Variants in SLC10A7 observed in about 807,000 individuals in gnomAD.
The protein encoded by SLC10A7 is solute carrier family 10 member 7.
A neutral mutation model predicts 43.2 loss-of-function variants in SLC10A7; 29 were observed. That is an observed-to-expected ratio of 0.67 (90% CI 0.50 to 0.92). The LOEUF is 0.92. SLC10A7 is among the 40% of genes least tolerant of loss of function. The pLI is 0.00. For missense variants in SLC10A7, 295 were observed against 403.2 expected (o/e 0.73, Z 2.30); for synonymous variants, 152 against 144.8 (o/e 1.05, Z -0.35).
At chr4:146,333,627 C>A (rs759168135) in intron 5 of SLC10A7, among the ~76,000 whole-genome samples, 2 of 151,978 alleles carry the variant, frequency 1.3e-5, no homozygotes, top group African/African-American at 2.4e-5. Context: ...AAACTGAAAG[C>A]GAAGAGCAGA....
chr4:146,258,698 C>T lies in SLC10A7; in HGVS notation c.987G>A (p.Arg329=). The change falls in exon 11 of 12, where the codon AGG becomes AGA. Residue 329 remains arginine, a synonymous_variant. Coordinates refer to ENST00000335472, the MANE Select transcript of SLC10A7 (RefSeq NM_001029998.6). ...VPTIKSWMVS[R]QKGVKLTRPT... is the part of the protein sequence containing the mutation. Reference sequence around the variant, plus strand: ...GATCTTTCTGGGGACTCACCTTCTGCCTTGATACCATCCAAGACTTGATTG... The same window carrying T: ...GATCTTTCTGGGGACTCACCTTCTGTCTTGATACCATCCAAGACTTGATTG... 2 of 1,589,240 alleles carry T rather than the reference C, an allele frequency of 1.3e-6. No homozygotes were observed. Among genetic ancestry groups the T allele is most frequent in the Non-Finnish European group, 1.7e-6 (2 of 1,174,296 alleles).
intron 5 of SLC10A7, among the ~76,000 whole-genome samples, chr4:146,417,885 A>G (rs566324749): frequency 6.6e-6 from 1 of 152,234 alleles, no homozygotes; most frequent in South Asian, 2.1e-4. Context: ...CTTAAGGACA[A>G]ACATTTGTCA....
At chr4:146,469,991 T>C (rs554522004) in intron 4 of SLC10A7, among the ~76,000 whole-genome samples, 1 of 152,206 alleles carries the variant, frequency 6.6e-6, no homozygotes, top group South Asian at 2.1e-4. Context: ...TCCTTTAAAA[T>C]AGAATTTATT....
intron 5 of SLC10A7, among the ~76,000 whole-genome samples, chr4:146,375,527 G>C (rs2149784831): frequency 6.6e-6 from 1 of 152,254 alleles, no homozygotes; most frequent in East Asian, 1.9e-4. Context: ...AGAACATCTA[G>C]CTCCCTTTAA....
intron 4 of SLC10A7, among the ~76,000 whole-genome samples, chr4:146,492,595 C>T (rs1377716881): frequency 1.3e-5 from 2 of 152,144 alleles, no homozygotes; most frequent in African/African-American, 4.8e-5. Context: ...AGGTCTGAAA[C>T]TCCTAAGCTC....
chr4:146,442,739 C>G, intron 5 of SLC10A7, 44 bp downstream of exon 5: 1 of 1,594,010 alleles, frequency 6.3e-7, no homozygotes, highest in Non-Finnish European at 8.5e-7. Flanking sequence ...TACACAATAT[C>G]ACAGCAAAAG....
At chr4:146,390,486 C>T (rs1279245818) in intron 5 of SLC10A7, among the ~76,000 whole-genome samples, 3 of 151,888 alleles carry the variant, frequency 2.0e-5, no homozygotes, top group Non-Finnish European at 2.9e-5. Flanking sequence ...AAAAATTAGC[C>T]GGGTGTGGAG....
intron 4 of SLC10A7, among the ~76,000 whole-genome samples, chr4:146,488,032 A>T (rs751571036): frequency 3.0e-4 from 45 of 152,050 alleles, no homozygotes; most frequent in African/African-American, 7.2e-4. Context: ...ACGAAAAAAA[A>T]TTTTTTTAAT....
intron 4 of SLC10A7, among the ~76,000 whole-genome samples, chr4:146,498,348 C>T (rs1736099844): frequency 6.6e-6 from 1 of 152,076 alleles, no homozygotes; most frequent in Non-Finnish European, 1.5e-5. Flanking sequence ...GAACTCCTGA[C>T]CTCAGGTGAT....
intron 6 of SLC10A7, among the ~76,000 whole-genome samples, chr4:146,318,675 T>C (rs916478193): frequency 6.6e-6 from 1 of 152,056 alleles, no homozygotes; most frequent in Non-Finnish European, 1.5e-5. Context: ...ACTCATATAG[T>C]CCATTGCTTA....
rs1480736867 is a variant in SLC10A7, at chr4:146,296,443, T to C, written c.556-2348A>G. On this transcript the variant is annotated intron_variant, in intron 7 of 11. Transcript: ENST00000335472. ...AAGTACTTAGAGTCTCATAGTAGAA[T>C]AGGACTCCCTCAGTATGGCAAGAAA... is the stretch of plus-strand genomic sequence containing the variant. Among the ~76,000 whole-genome samples, 4 of 152,272 alleles carry C rather than the reference T, an allele frequency of 2.6e-5. 1 individual carries two copies. The highest frequency in any genetic ancestry group is 4.1e-4 in the South Asian group (2 of 4,824).
chr4:146,381,065 C>A (rs1051214875), intron 5 of SLC10A7, among the ~76,000 whole-genome samples: 14 of 152,066 alleles, frequency 9.2e-5, no homozygotes, highest in African/African-American at 3.1e-4. Flanking sequence ...TTTTGTGACC[C>A]CTAAAGCCCA....
intron 9 of SLC10A7, among the ~76,000 whole-genome samples, chr4:146,290,028 G>C (rs1331202403): frequency 1.4e-5 from 2 of 147,192 alleles, no homozygotes; most frequent in African/African-American, 2.5e-5. Flanking sequence ...TTTTTTAAAA[G>C]TACAGAAATT....
chr4:146,381,110 A>G (rs1038546701), intron 5 of SLC10A7, among the ~76,000 whole-genome samples: 15 of 152,146 alleles, frequency 9.9e-5, no homozygotes, highest in African/African-American at 3.4e-4. Flanking sequence ...AGAAAGGAGT[A>G]CAAAACTAGT....
chr4:146,330,761 A>T (rs1733475912), intron 5 of SLC10A7, among the ~76,000 whole-genome samples: 1 of 152,240 alleles, frequency 6.6e-6, no homozygotes, highest in African/African-American at 2.4e-5. Flanking sequence ...ACAGCATTAT[A>T]TACAGATGGG....
At chr4:146,378,362 A>C (rs889818411) in intron 5 of SLC10A7, among the ~76,000 whole-genome samples, 9 of 152,210 alleles carry the variant, frequency 5.9e-5, no homozygotes, top group African/African-American at 2.2e-4. Context: ...AAAAAACATA[A>C]TCCACAATAC....
chr4:146,451,850 G>A (rs755902279), intron 4 of SLC10A7, among the ~76,000 whole-genome samples: 7 of 152,018 alleles, frequency 4.6e-5, no homozygotes, highest in Non-Finnish European at 7.4e-5. Flanking sequence ...TAGGGAGGGA[G>A]GTTAGTTTCT....
intron 4 of SLC10A7, among the ~76,000 whole-genome samples, chr4:146,464,036 G>A (rs1732785369): frequency 1.3e-5 from 2 of 151,698 alleles, no homozygotes; most frequent in Middle Eastern, 6.8e-3. Flanking sequence ...TGTTGCCCAG[G>A]CTGGTCTTGA....
At chr4:146,320,434 G>A (rs552153488) in intron 6 of SLC10A7, among the ~76,000 whole-genome samples, 45 of 152,108 alleles carry the variant, frequency 3.0e-4, no homozygotes, top group African/African-American at 1.0e-3. Flanking sequence ...GGATCGTAAA[G>A]GTGATAAAGT....
Sources: allele counts gnomAD v4.1 joint callset (sites outside exome capture counted in the v4.1 genomes callset), GRCh38; gene constraint gnomAD v4.1.1; transcripts MANE v1.5; gene names NCBI Gene and HGNC (gene_info 2026-07-23, HGNC 2026-07-21).